ARHGAP32: variants seen among roughly 807,000 people sequenced by gnomAD.
ARHGAP32 encodes the protein Rho GTPase activating protein 32, also known as rho GTPase-activating protein 32.
ARHGAP32 carries 51 observed loss-of-function variants against 186.5 expected under a neutral mutation model. That is an observed-to-expected ratio of 0.27 (90% CI 0.22 to 0.35). The LOEUF (loss-of-function observed/expected upper bound fraction) is 0.35. ARHGAP32 is among the 10% of genes least tolerant of loss of function. The pLI is 1.00. For missense variants in ARHGAP32, 2,186 were observed against 2,623.5 expected, an observed-to-expected ratio of 0.83 and a Z score of 3.64; for synonymous variants, 950 against 964.3, an observed-to-expected ratio of 0.99 and a Z score of 0.27.
rs547058648 is a variant in ARHGAP32 at position 129,257,620 on chromosome 11, A to G, written c.-5+21526T>C. On this transcript the variant is annotated intron_variant, in intron 1 of 6. Transcript: ENST00000525234. The stretch of plus-strand genomic sequence containing the variant: ...AAAACTTTGTTGCTTAAAAATAAAT[A>G]ATTCATTAATTTTTAAAATTACAGA... Among the ~76,000 whole-genome samples the G allele has an allele frequency of 1.2e-3, 183 of 152,116 alleles. 2 individuals are homozygous for G. Among genetic ancestry groups the G allele is most frequent in the Middle Eastern group, 3.4e-3 (1 of 294 alleles).
chr11:129,096,664 C>A (rs1178911950), intron 5 of ARHGAP32, among the ~76,000 whole-genome samples: 1 of 152,172 alleles, frequency 6.6e-6, no homozygotes, highest in Admixed American at 6.5e-5. Context: ...GCTGTGGCTG[C>A]GGATCACTGC....
chr11:128,974,172 C>A lies in ARHGAP32; in HGVS notation c.3025G>T (p.Val1009Phe), dbSNP rs374076901. The stretch of plus-strand genomic sequence containing the variant: ...ACAGCCTTACTCTGACTGCTTGAGA[C>A]AGACTGATCCTCTTTCCCTGGCAAT... ...VELPGKEDQS[V>F]SSSQSKAVAS... The change falls in exon 21 of 23, where the codon GTC becomes TTC. Residue 1009 changes from valine to phenylalanine, a missense_variant. Transcript: ENST00000682385. 6.2e-7 allele frequency: 1 copy of A among 1,614,098 alleles called. No homozygotes were observed. The highest frequency in any genetic ancestry group is 1.3e-5 in the African/African-American group (1 of 74,934).
At chr11:129,071,922 C>G (rs1940881793) in intron 6 of ARHGAP32, among the ~76,000 whole-genome samples, 1 of 152,128 alleles carries the variant, frequency 6.6e-6, no homozygotes, top group African/African-American at 2.4e-5. Flanking sequence ...ACTGATAAAT[C>G]TGGAGGACAT....
rs547505723 is a variant in ARHGAP32 at position 129,164,324 on chromosome 11, C to A, written c.220G>T (p.Ala74Ser). 6.5e-7 allele frequency: 1 copy of A among 1,536,588 alleles called. No individual in the cohort carries two copies. The highest frequency in any genetic ancestry group is 8.9e-7 in the Non-Finnish European group (1 of 1,128,956). The change falls in exon 2 of 23, where the codon GCA becomes TCA. Residue 74 changes from alanine (A) to serine (S), a missense_variant. Physicochemically the swap from Ala to Ser is moderately conservative, Grantham distance 99. Transcript: ENST00000682385. ...ERPDWEETLSAMARGADVPEI... is the reference protein window; with the variant it reads ...ERPDWEETLSSMARGADVPEI... Reference sequence around the variant, plus strand: ...ATTGTATAAAACTGATTTACCATTGCGCTAAGAGTTTCTTCCCAATCAGGC... The same window carrying A: ...ATTGTATAAAACTGATTTACCATTGAGCTAAGAGTTTCTTCCCAATCAGGC...
chr11:129,275,615 C>T (rs1178725284), intron 1 of ARHGAP32, among the ~76,000 whole-genome samples: 1 of 152,016 alleles, frequency 6.6e-6, no homozygotes, highest in Non-Finnish European at 1.5e-5. Context: ...TTTTAAAGAA[C>T]CAGATAATAA....
At chr11:128,992,786 T>C (rs1009568835) in intron 12 of ARHGAP32, among the ~76,000 whole-genome samples, 1 of 151,936 alleles carries the variant, frequency 6.6e-6, no homozygotes, top group Non-Finnish European at 1.5e-5. Context: ...AAACTCCGTA[T>C]CAAAACAAAA....
Position 129,169,305 on chromosome 11 carries a change from G to A in ARHGAP32, c.117-4878C>T, listed in dbSNP as rs376182244. Reference sequence around the variant, plus strand: ...CTACAATATAGATAATAAAAAGGGAGCCATAAACAGAAAGCCTGTGAACAT... The same window carrying A: ...CTACAATATAGATAATAAAAAGGGAACCATAAACAGAAAGCCTGTGAACAT... On this transcript the variant is annotated intron_variant, in intron 1 of 22. Transcript: ENST00000682385. Among the ~76,000 whole-genome samples, 77 of 152,050 alleles carry A rather than the reference G, an allele frequency of 5.1e-4. 1 individual carries two copies. Among genetic ancestry groups the A allele is most frequent in the Admixed American group, 1.7e-3 (26 of 15,264 alleles).
chr11:129,230,278 A>T (rs1247074655), intron 1 of ARHGAP32, among the ~76,000 whole-genome samples: 3 of 152,172 alleles, frequency 2.0e-5, no homozygotes, highest in Non-Finnish European at 4.4e-5. Context: ...TATTTAATAA[A>T]ATCTACTTTA....
At chr11:129,272,921 C>T (rs1462587070) in intron 1 of ARHGAP32, among the ~76,000 whole-genome samples, 1 of 152,218 alleles carries the variant, frequency 6.6e-6, no homozygotes, top group African/African-American at 2.4e-5. Context: ...AAATCAATTA[C>T]GCAGAATGTG....
intron 6 of ARHGAP32, among the ~76,000 whole-genome samples, chr11:129,088,122 T>C (rs530379681): frequency 6.6e-6 from 1 of 152,350 alleles, no homozygotes. Context: ...TCTAATCTTT[T>C]ATATACATCT....
chr11:129,055,202 C>A (rs1179121649), intron 10 of ARHGAP32, among the ~76,000 whole-genome samples: 5 of 152,200 alleles, frequency 3.3e-5, no homozygotes, highest in African/African-American at 9.6e-5. Context: ...CCCTTCAATA[C>A]ATTTGGTAAA....
chr11:129,235,900 AACACACACACACACACACACACAC>A (rs57291313), intron 1 of ARHGAP32, among the ~76,000 whole-genome samples: 2 of 145,730 alleles, frequency 1.4e-5, no homozygotes, highest in Non-Finnish European at 3.0e-5. Flanking sequence ...GTCATTCATA[AACACACACACACACACACACACAC>A]ACACACACAC....
chr11:128,985,088 C>T (rs1181501237), intron 15 of ARHGAP32, among the ~76,000 whole-genome samples: 1 of 152,054 alleles, frequency 6.6e-6, no homozygotes, highest in Non-Finnish European at 1.5e-5. Context: ...GGCATGATCT[C>T]GGCTCACTGC....
rs1591665428 is a variant in ARHGAP32 at position 129,166,794 on chromosome 11, T to C, written c.117-2367A>G. ...CTGATTCCAAAACTACAAAAACACATGAAAAGAATAAAGCACAAAAGTGGG... is the reference window on the plus strand; with the variant it reads ...CTGATTCCAAAACTACAAAAACACACGAAAAGAATAAAGCACAAAAGTGGG... On this transcript the variant is annotated intron_variant, in intron 1 of 22. Transcript: ENST00000682385. Among the ~76,000 whole-genome samples, 4 of 147,286 alleles carry C rather than the reference T, an allele frequency of 2.7e-5. No homozygotes were observed. In the Middle Eastern group the frequency reaches 0.01, roughly 386 times the overall value.
intron 1 of ARHGAP32, among the ~76,000 whole-genome samples, chr11:129,247,925 T>A (rs1254507384): frequency 6.6e-6 from 1 of 152,150 alleles, no homozygotes; most frequent in East Asian, 1.9e-4. Context: ...AAATAAACTC[T>A]AAATTTATGC....
intron 5 of ARHGAP32, among the ~76,000 whole-genome samples, chr11:129,122,400 ATCAC>A (rs1339222708): frequency 2.0e-5 from 3 of 152,118 alleles, no homozygotes; most frequent in Non-Finnish European, 4.4e-5. Context: ...AGTAAACTAA[ATCAC>A]TCAAACAGAT....
chr11:128,975,104 A>G (rs1945506123), intron 20 of ARHGAP32, 102 bp from the exon 21 acceptor site: 1 of 916,644 alleles, frequency 1.1e-6, no homozygotes, highest in Non-Finnish European at 1.6e-6. Context: ...ATCTAGGTGA[A>G]GGAAGTGTTA....
chr11:128,995,313 C>T (rs1185760888), intron 12 of ARHGAP32, among the ~76,000 whole-genome samples: 1 of 152,116 alleles, frequency 6.6e-6, no homozygotes, highest in Non-Finnish European at 1.5e-5. Flanking sequence ...GTCCAGCAAT[C>T]CCCCGACCTC....
At chr11:129,207,262 G>T (rs1017022171) in intron 1 of ARHGAP32, among the ~76,000 whole-genome samples, 1 of 152,130 alleles carries the variant, frequency 6.6e-6, no homozygotes, top group African/African-American at 2.4e-5. Flanking sequence ...CCAATAATGG[G>T]ATCGTTGAGT....
Sources: gnomAD v4.1 joint callset for allele counts (sites outside exome capture counted in the v4.1 genomes callset) on GRCh38, gnomAD v4.1.1 for gene constraint, MANE v1.5 for transcripts, NCBI Gene and HGNC (gene_info 2026-07-23, HGNC 2026-07-21) for gene names.